Variants in INPP5D observed in about 807,000 individuals in gnomAD.
INPP5D encodes the protein inositol polyphosphate-5-phosphatase D, also known as phosphatidylinositol 3,4,5-trisphosphate 5-phosphatase 1.
INPP5D carries 33 observed loss-of-function variants against 122.9 expected under a neutral mutation model. The ratio of observed to expected loss-of-function variants is 0.27; its 90% confidence interval spans 0.20 to 0.36. The LOEUF (loss-of-function observed/expected upper bound fraction) is 0.36, where lower values mean the gene tolerates loss of function less well. Among genes scored for constraint, INPP5D ranks in the 10% least tolerant of loss-of-function variants. The pLI is 1.00. For synonymous variants in INPP5D, 584 were observed against 576.2 expected, an observed-to-expected ratio of 1.01 and a Z score of -0.19; for missense variants, 1,053 against 1,412.7, an observed-to-expected ratio of 0.75 and a Z score of 4.08.
At chr2:233,114,972 A>T (rs1476906080) in intron 2 of INPP5D, among the ~76,000 whole-genome samples, 4 of 151,858 alleles carry the variant, frequency 2.6e-5, no homozygotes, top group Non-Finnish European at 5.9e-5. Context: ...GGTTCAAGCA[A>T]TTCTCCTGCC....
rs186134643 is a variant in INPP5D at position 233,164,871 on chromosome 2, C to A, written c.1555+447C>A. 4.6e-5 allele frequency among the ~76,000 whole-genome samples: 7 copies of A among 152,108 alleles called. No individual in the cohort carries two copies. ...CTCTGCCTTTCTGGTGGGAAAGCAGCCATAGGCAACCCAGAAAGCGAATGG... is the reference window on the plus strand; with the variant it reads ...CTCTGCCTTTCTGGTGGGAAAGCAGACATAGGCAACCCAGAAAGCGAATGG... On this transcript the variant is annotated intron_variant, in intron 13 of 26. Transcript: ENST00000445964. This position sits in a 1 kb window ranked among gnomAD's most constrained non-coding sequence, Gnocchi z 4.3.
intron 5 of INPP5D, among the ~76,000 whole-genome samples, chr2:233,135,068 A>C (rs185566862): frequency 6.8e-6 from 1 of 147,460 alleles, no homozygotes; most frequent in African/African-American, 2.6e-5. Flanking sequence ...GTAGGAAAAA[A>C]TTGCCAATTA....
intron 5 of INPP5D, chr2:233,130,941 G>A: frequency 1.8e-6 from 1 of 559,098 alleles, no homozygotes; most frequent in South Asian, 1.6e-5. Flanking sequence ...TTTCTCACTT[G>A]CACAGGATCC....
intron 2 of INPP5D, among the ~76,000 whole-genome samples, chr2:233,103,311 T>G (rs536981818): frequency 6.6e-6 from 1 of 152,374 alleles, no homozygotes; most frequent in South Asian, 2.1e-4. Flanking sequence ...GTGAAGTTGC[T>G]GGGTCATAGC....
At chr2:233,167,691 C>T (rs1303484402) in intron 13 of INPP5D, among the ~76,000 whole-genome samples, 3 of 152,152 alleles carry the variant, frequency 2.0e-5, no homozygotes, top group Non-Finnish European at 4.4e-5. Flanking sequence ...AGCCTATGGC[C>T]TATCCAGAGC....
chr2:233,145,329 C>T (rs369816717), intron 6 of INPP5D: 8 of 456,002 alleles, frequency 1.8e-5, no homozygotes, highest in Middle Eastern at 3.2e-4. Context: ...AACAACTTAA[C>T]GGAGCATCTT....
intron 2 of INPP5D, among the ~76,000 whole-genome samples, chr2:233,116,794 A>G (rs1176680343): frequency 1.3e-5 from 2 of 149,124 alleles, no homozygotes; most frequent in African/African-American, 2.5e-5. Context: ...ATGGGGTTTC[A>G]CCATGTTGGC....
At chr2:233,165,662 TTG>T (rs1694314251) in intron 13 of INPP5D, among the ~76,000 whole-genome samples, 2 of 149,648 alleles carry the variant, frequency 1.3e-5, no homozygotes, top group Admixed American at 1.3e-4. Flanking sequence ...ATGCATGTGT[TTG>T]TGAGTGTGTT....
At chr2:233,154,406 C>T (rs190503316) in intron 9 of INPP5D, among the ~76,000 whole-genome samples, 187 of 152,270 alleles carry the variant, frequency 1.2e-3, no homozygotes, top group African/African-American at 4.2e-3. Context: ...GCCTTGGCCT[C>T]CCAAAGTGCT....
rs2106309406 is a variant in INPP5D, at chr2:233,177,201, C to A, written c.1990-64C>A. On this transcript the variant is annotated intron_variant, in intron 17 of 26. Transcript: ENST00000445964. The surrounding 1 kb of genome is among the most constrained non-coding windows in gnomAD (Gnocchi z 4.2). ...TACAGAGGCCACCAGTTAATCTGTT[C>A]TTTTACTGATTAAAAAAATAATAAT... is the stretch of plus-strand genomic sequence containing the variant. 2 of 1,598,812 alleles carry A rather than the reference C, an allele frequency of 1.3e-6. No homozygotes were observed. Among genetic ancestry groups the A allele is most frequent in the East Asian group, 2.2e-5 (1 of 44,492 alleles).
intron 5 of INPP5D, among the ~76,000 whole-genome samples, chr2:233,135,358 G>A (rs1693440807): frequency 1.3e-5 from 2 of 151,770 alleles, no homozygotes; most frequent in African/African-American, 4.8e-5. Flanking sequence ...ACCATGCCCA[G>A]CTAATTAAAC....
At chr2:233,139,953 G>A (rs1693599457) in intron 6 of INPP5D, 24 bp downstream of exon 6, 2 of 398,140 alleles carry the variant, frequency 5.0e-6, no homozygotes, top group African/African-American at 2.1e-5. Flanking sequence ...GGGTTGAAAA[G>A]GTGAGATTAA....
At chr2:233,073,186 G>A (rs72982255) in intron 1 of INPP5D, among the ~76,000 whole-genome samples, 14,793 of 152,228 alleles carry the variant, frequency 0.097, 947 homozygotes, top group East Asian at 0.16. Flanking sequence ...AGTGGGTCTC[G>A]CTGGGGGAGG....
chr2:233,180,593 G>A (rs1243955247), intron 18 of INPP5D, among the ~76,000 whole-genome samples: 1 of 152,170 alleles, frequency 6.6e-6, no homozygotes, highest in East Asian at 1.9e-4. Flanking sequence ...AGGCTGGAGT[G>A]CAGTGGCACC....
chr2:233,145,336 T>C lies in INPP5D; in HGVS notation c.754-826T>C, dbSNP rs148797129. ...ATGTACTGAACAACTTAACGGAGCA[T>C]CTTCGTTGGCCAGACACTGTTCTGA... On this transcript the variant is annotated intron_variant, in intron 6 of 26. Coordinates refer to ENST00000445964, the MANE Select transcript of INPP5D (RefSeq NM_001017915.3). The C allele has an allele frequency of 2.1e-3, 972 of 456,136 alleles. 11 individuals carry two copies. Among genetic ancestry groups the C allele is most frequent in the African/African-American group, 0.017 (875 of 50,154 alleles). The allele number at this position is 456,136 out of a possible 1,614,324, so 28.3% of individuals were successfully genotyped here. A position where few individuals can be genotyped will look rare whatever the true frequency, so the allele number is the denominator to read the frequency against.
Position 233,068,703 on chromosome 2 carries a change from G to C in INPP5D, c.134+8091G>C, listed in dbSNP as rs549169336. ...TCTGTGAAGAACATTCCATACAGAGGAGAGAAGAGAATGGGGGCAGAGGAT... is the reference window on the plus strand; with the variant it reads ...TCTGTGAAGAACATTCCATACAGAGCAGAGAAGAGAATGGGGGCAGAGGAT... On this transcript the variant is annotated intron_variant, in intron 1 of 26. Transcript: ENST00000445964. 2.8e-4 allele frequency among the ~76,000 whole-genome samples: 42 copies of C among 152,356 alleles called. 1 individual carries two copies. In the South Asian group the frequency reaches 8.7e-3, roughly 32 times the overall value.
At position 233,158,430 on chromosome 2, in the gene INPP5D, G is replaced by A. The variant is rs769652125; in HGVS notation, c.1137+11G>A. 20 of 700,730 alleles carry A rather than the reference G, an allele frequency of 2.9e-5. No individual in the cohort carries two copies. The highest frequency in any genetic ancestry group is 8.1e-5 in the East Asian group (3 of 37,216). 43.4% of individuals were successfully genotyped at this position (700,730 alleles called of 1,614,324 possible). Reference sequence around the variant, plus strand: ...TTTGCTGACTCCAAAGTAAGTGACAGCAAACTTCTAAAATGGGCTGTGAGG... The same window carrying A: ...TTTGCTGACTCCAAAGTAAGTGACAACAAACTTCTAAAATGGGCTGTGAGG... On this transcript the variant is annotated intron_variant, in intron 10 of 26. Coordinates refer to ENST00000445964, the MANE Select transcript of INPP5D (RefSeq NM_001017915.3).
chr2:233,178,811 A>G (rs949885964), intron 18 of INPP5D, among the ~76,000 whole-genome samples: 2 of 152,120 alleles, frequency 1.3e-5, no homozygotes, highest in African/African-American at 4.8e-5. Context: ...AAACACTGCG[A>G]ATTCCCACAC....
chr2:233,121,970 C>T (rs989515022), intron 2 of INPP5D, 137 bp from the exon 3 acceptor site: 7 of 929,664 alleles, frequency 7.5e-6, no homozygotes, highest in South Asian at 1.5e-5. Flanking sequence ...GTCACACACC[C>T]TGCGTAGGAG....
Sources: allele counts gnomAD v4.1 joint callset (sites outside exome capture counted in the v4.1 genomes callset), GRCh38; gene constraint gnomAD v4.1.1; non-coding constraint Gnocchi (gnomAD v3.1); transcripts MANE v1.5; gene names NCBI Gene and HGNC (gene_info 2026-07-23, HGNC 2026-07-21).